Variants in COL4A6 observed in about 807,000 individuals in gnomAD.
COL4A6 encodes the protein collagen type IV alpha 6 chain.
A neutral mutation model predicts 126.7 loss-of-function variants in COL4A6; 59 were observed. The observed-to-expected ratio is 0.47, with a 90% CI of 0.38 to 0.58. The LOEUF (loss-of-function observed/expected upper bound fraction) is 0.58. Among genes scored for constraint, COL4A6 ranks in the 20% least tolerant of loss-of-function variants. The pLI is 0.00. For synonymous variants in COL4A6, 547 were observed against 496.6 expected (o/e 1.10, Z -1.35); for missense variants, 1,285 against 1,337.3 (o/e 0.96, Z 0.61).
chrX:108,430,372 C>T (rs1025965109), intron 2 of COL4A6, among the ~76,000 whole-genome samples: 1 of 111,810 alleles, frequency 8.9e-6, no homozygotes, highest in Admixed American at 9.5e-5. Context: ...AAGAAACACA[C>T]AGACATGAGG....
At chrX:108,397,315 G>T (rs2040987868) in intron 2 of COL4A6, among the ~76,000 whole-genome samples, 1 of 111,479 alleles carries the variant, frequency 9.0e-6, no homozygotes. Flanking sequence ...GTGATGATCT[G>T]TTCTTTGAGG....
At chrX:108,337,451 C>T (rs1354698773) in intron 2 of COL4A6, among the ~76,000 whole-genome samples, 1 of 112,879 alleles carries the variant, frequency 8.9e-6, no homozygotes, top group Non-Finnish European at 1.9e-5. Context: ...AGAAAGGAAA[C>T]ATCTGTTTAT....
intron 2 of COL4A6, among the ~76,000 whole-genome samples, chrX:108,420,311 C>G (rs2063962177): frequency 1.8e-5 from 2 of 111,841 alleles, no homozygotes; most frequent in African/African-American, 6.5e-5. Context: ...AAGCAGTGTT[C>G]CAGATGGTGG....
chrX:108,397,979 C>G (rs1030790197), intron 2 of COL4A6, among the ~76,000 whole-genome samples: 14 of 112,676 alleles, frequency 1.2e-4, no homozygotes, highest in African/African-American at 4.2e-4. Context: ...TTACTGAGTT[C>G]TTTTTACACT....
At chrX:108,431,151 T>C (rs185500153) in intron 2 of COL4A6, among the ~76,000 whole-genome samples, 5 of 112,193 alleles carry the variant, frequency 4.5e-5, no homozygotes, top group African/African-American at 1.6e-4. Context: ...AGTTCATGGC[T>C]AACTTGTTCA....
At chrX:108,221,161 C>T (rs2036008414) in intron 4 of COL4A6, 79 bp downstream of exon 4, 1 of 1,147,748 alleles carries the variant, frequency 8.7e-7, no homozygotes, top group African/African-American at 1.8e-5. Flanking sequence ...CATAAATGAG[C>T]AGAACTGGGA....
intron 3 of COL4A6, among the ~76,000 whole-genome samples, chrX:108,296,984 A>G (rs1235166959): frequency 8.9e-6 from 1 of 112,367 alleles, no homozygotes; most frequent in Non-Finnish European, 1.9e-5. Context: ...AGAGATTACC[A>G]TTGTAATTAA....
intron 3 of COL4A6, among the ~76,000 whole-genome samples, chrX:108,280,263 G>A (rs1319030996): frequency 2.7e-5 from 3 of 110,758 alleles, no homozygotes; most frequent in Non-Finnish European, 5.7e-5. Flanking sequence ...TAATAAAGAA[G>A]AAAAGAGAGA....
At position 108,160,473 on chromosome X, in the gene COL4A6, GTTGTGGGC is replaced by G; in HGVS notation, c.4507_4514del (p.Ala1503ProfsTer34). ...AGAGCTGGTACCTACCCAGGTCCTG[GTTGTGGGC>G]TTTCTCTTGCCCCTCCACAAACAGT... On this transcript the variant is annotated frameshift_variant, in exon 43 of 45. Coordinates refer to ENST00000334504, the MANE Select transcript of COL4A6 (RefSeq NM_033641.4). LOFTEE classifies it high-confidence loss of function. 8.3e-7 allele frequency: 1 copy of G among 1,201,633 alleles called. No homozygotes were observed. The highest frequency in any genetic ancestry group is 1.1e-6 in the Non-Finnish European group (1 of 890,254).
At chrX:108,424,448 T>C (rs1189694582) in intron 2 of COL4A6, among the ~76,000 whole-genome samples, 5 of 112,039 alleles carry the variant, frequency 4.5e-5, no homozygotes, top group Admixed American at 1.9e-4. Flanking sequence ...AAGGATGTCC[T>C]GGAAAATCTA....
In COL4A6 at chrX:108,175,765, G is replaced by A; in HGVS notation, c.2719C>T (p.Pro907Ser). 1 of 1,195,315 alleles carries A rather than the reference G, an allele frequency of 8.4e-7. No homozygotes were observed. Among genetic ancestry groups the A allele is most frequent in the Non-Finnish European group, 1.1e-6 (1 of 888,942 alleles). Reference sequence around the variant, plus strand: ...ATACCAGGCAGACCTGGTATTCCTGGAAAACCTACGAATCCAACAGACCCC... The same window carrying A: ...ATACCAGGCAGACCTGGTATTCCTGAAAAACCTACGAATCCAACAGACCCC... ...EKGSVGFVGF[P>S]GIPGLPGIPG... The change falls in exon 29 of 45, where the codon CCA becomes TCA. Residue 907 changes from proline (P) to serine (S), a missense_variant. Pro to Ser is a moderately conservative substitution (Grantham distance 74). Coordinates refer to ENST00000334504, the MANE Select transcript of COL4A6 (RefSeq NM_033641.4).
At chrX:108,368,145 A>G (rs1400287901) in intron 2 of COL4A6, among the ~76,000 whole-genome samples, 19 of 109,691 alleles carry the variant, frequency 1.7e-4, no homozygotes, top group African/African-American at 6.3e-4. Context: ...TTGTTAGGCA[A>G]TTTCATTTAG....
intron 2 of COL4A6, among the ~76,000 whole-genome samples, chrX:108,352,257 T>G (rs2148037653): frequency 8.9e-6 from 1 of 112,845 alleles, no homozygotes; most frequent in African/African-American, 3.2e-5. Context: ...ACTAAAGCTG[T>G]GTTGAATGTG....
At chrX:108,308,178 G>A (rs2038672258) in intron 3 of COL4A6, among the ~76,000 whole-genome samples, 1 of 111,731 alleles carries the variant, frequency 9.0e-6, no homozygotes, top group African/African-American at 3.3e-5. Context: ...TAAGGCTCCA[G>A]ATGTTTGAAA....
At chrX:108,346,071 G>T (rs2039699105) in intron 2 of COL4A6, among the ~76,000 whole-genome samples, 1 of 111,151 alleles carries the variant, frequency 9.0e-6, no homozygotes, top group African/African-American at 3.3e-5. Context: ...CACACACCGT[G>T]GCACCAACAT....
rs150149686 is a variant in COL4A6 at position 108,308,344 on chromosome X, G to C, written c.144+2404C>G. Among the ~76,000 whole-genome samples, 701 of 111,787 alleles carry C rather than the reference G, an allele frequency of 6.3e-3. 3 individuals are homozygous for C. Among genetic ancestry groups the C allele is most frequent in the African/African-American group, 0.022 (672 of 30,772 alleles). Reference sequence around the variant, plus strand: ...TATATAAGATTTTCTACTTTTAAAGGCTCCCCAACCCAACAAACAGCCCAG... The same window carrying C: ...TATATAAGATTTTCTACTTTTAAAGCCTCCCCAACCCAACAAACAGCCCAG... On this transcript the variant is annotated intron_variant, in intron 3 of 44. Coordinates refer to ENST00000334504, the MANE Select transcript of COL4A6 (RefSeq NM_033641.4).
In COL4A6 at chrX:108,307,431, T is replaced by A. The variant is rs1418659716; in HGVS notation, c.144+3317A>T. Among the ~76,000 whole-genome samples, 34 of 112,251 alleles carry A rather than the reference T, an allele frequency of 3.0e-4. No individual in the cohort carries two copies. In the Admixed American group the frequency reaches 3.1e-3, roughly 10 times the overall value. On this transcript the variant is annotated intron_variant, in intron 3 of 44. Coordinates refer to ENST00000334504, the MANE Select transcript of COL4A6 (RefSeq NM_033641.4). ...CAGTGCACCAACATTAGGTAGGGACTTTTACCAGGCAGGGCATACCTTTGA... is the reference window on the plus strand; with the variant it reads ...CAGTGCACCAACATTAGGTAGGGACATTTACCAGGCAGGGCATACCTTTGA...
At position 108,179,326 on chromosome X, in the gene COL4A6, G is replaced by T. The variant is rs751145888; in HGVS notation, c.2244C>A (p.Ala748=). 33 of 1,209,120 alleles carry T rather than the reference G, an allele frequency of 2.7e-5. No individual in the cohort carries two copies. The highest frequency in any genetic ancestry group is 3.7e-5 in the Non-Finnish European group (33 of 894,869). The change falls in exon 26 of 45, where the codon GCC becomes GCA. Residue 748 remains alanine, a synonymous_variant. Coordinates refer to ENST00000334504, the MANE Select transcript of COL4A6 (RefSeq NM_033641.4). ...GSPGLPGSKG[A]TGDIFGAENG... The stretch of plus-strand genomic sequence containing the variant: ...TTTCAGCACCAAAGATGTCACCAGT[G>T]GCTCCCTTGGAACCAGGTAAGCCTG...
At chrX:108,322,475 A>G (rs1453187708) in intron 2 of COL4A6, among the ~76,000 whole-genome samples, 3 of 111,960 alleles carry the variant, frequency 2.7e-5, no homozygotes, top group Non-Finnish European at 1.9e-5. Flanking sequence ...GATAAAAACA[A>G]CTGATGGCAT....
Sources: allele counts gnomAD v4.1 joint callset (sites outside exome capture counted in the v4.1 genomes callset), GRCh38; gene constraint gnomAD v4.1.1; transcripts MANE v1.5; gene names NCBI Gene and HGNC (gene_info 2026-07-23, HGNC 2026-07-21).